TENM2: variants seen among roughly 807,000 people sequenced by gnomAD.
TENM2 encodes the protein teneurin-2.
Under a neutral mutation model 245.2 loss-of-function variants are expected in TENM2, and 52 were observed. The observed-to-expected ratio is 0.21, with a 90% CI of 0.17 to 0.27. The LOEUF (loss-of-function observed/expected upper bound fraction) is 0.27, where lower values mean the gene tolerates loss of function less well. Among genes scored for constraint, TENM2 ranks in the 10% least tolerant of loss-of-function variants. The pLI is 1.00. For missense variants in TENM2, 3,046 were observed against 3,666.8 expected (o/e 0.83, Z 4.37); for synonymous variants, 1,363 against 1,438.9 (o/e 0.95, Z 1.19).
chr5:167,502,480 A>G (rs889621879), intron 2 of TENM2, among the ~76,000 whole-genome samples: 3 of 152,284 alleles, frequency 2.0e-5, no homozygotes, highest in South Asian at 4.1e-4. Flanking sequence ...CTGCTATTTC[A>G]CTCAACTACA....
chr5:167,910,141 A>T (rs1351792608), intron 3 of TENM2, among the ~76,000 whole-genome samples: 3 of 152,150 alleles, frequency 2.0e-5, no homozygotes, highest in South Asian at 2.1e-4. Flanking sequence ...AATTATCTTC[A>T]TTTTGGCAGA....
the TENM2 span, among the ~76,000 whole-genome samples, chr5:167,247,294 G>A: frequency 3.4e-3 from 525 of 152,186 alleles, 4 homozygotes; most frequent in African/African-American, 0.012. Context: ...CTGAGTTCAC[G>A]CTCTTTGCTA....
intron 2 of TENM2, among the ~76,000 whole-genome samples, chr5:167,566,133 G>C (rs1773892091): frequency 6.6e-6 from 1 of 151,856 alleles, no homozygotes; most frequent in Admixed American, 6.6e-5. Context: ...TCTGGAAACA[G>C]TTATTCACTG....
rs141871984 is a variant in TENM2, at chr5:167,701,373, C to T, written c.503-174613C>T. On this transcript the variant is annotated intron_variant, in intron 2 of 28. Coordinates refer to ENST00000518659, the Ensembl canonical transcript of TENM2. ...TAGAACCATGTGATGTTGGCATTATCGTCATGTTGGGTTTTGGGTGTTTGT... is the reference window on the plus strand; with the variant it reads ...TAGAACCATGTGATGTTGGCATTATTGTCATGTTGGGTTTTGGGTGTTTGT... 2.3e-3 allele frequency among the ~76,000 whole-genome samples: 345 copies of T among 150,310 alleles called. 1 individual carries two copies. The highest frequency in any genetic ancestry group is 7.9e-3 in the African/African-American group (326 of 41,046).
chr5:167,067,463 G>A, the TENM2 span, among the ~76,000 whole-genome samples: 1 of 152,078 alleles, frequency 6.6e-6, no homozygotes, highest in African/African-American at 2.4e-5. Context: ...AGATTATTGT[G>A]GAAAGCTCTG....
At chr5:168,191,338 C>T (rs1034107506) in intron 14 of TENM2, among the ~76,000 whole-genome samples, 4 of 152,266 alleles carry the variant, frequency 2.6e-5, no homozygotes, top group South Asian at 4.2e-4. Flanking sequence ...CTATGCACTA[C>T]GTATGATTCT....
At chr5:167,976,849 A>G (rs190511595) in intron 4 of TENM2, among the ~76,000 whole-genome samples, 6 of 152,324 alleles carry the variant, frequency 3.9e-5, no homozygotes, top group East Asian at 1.9e-4. Flanking sequence ...AAATTATTCT[A>G]CTGTAAAGAT....
chr5:167,536,478 T>C (rs1771855938), intron 2 of TENM2, among the ~76,000 whole-genome samples: 1 of 151,742 alleles, frequency 6.6e-6, no homozygotes, highest in African/African-American at 2.4e-5. Context: ...AATAACCCTT[T>C]AAAAGTAGAA....
chr5:167,827,078 C>A (rs1221018673), intron 2 of TENM2, among the ~76,000 whole-genome samples: 13 of 152,238 alleles, frequency 8.5e-5, no homozygotes, highest in Non-Finnish European at 1.8e-4. Context: ...GCCTCCTGTC[C>A]TCCCCTAAGT....
the TENM2 span, among the ~76,000 whole-genome samples, chr5:166,991,692 T>C: frequency 6.6e-6 from 1 of 152,312 alleles, no homozygotes; most frequent in East Asian, 1.9e-4. Context: ...TGACAAAGCC[T>C]AGCAGATGCA....
intron 8 of TENM2, among the ~76,000 whole-genome samples, chr5:168,097,070 A>C (rs1234422897): frequency 6.6e-6 from 1 of 152,232 alleles, no homozygotes; most frequent in Non-Finnish European, 1.5e-5. Context: ...TAAGCATAAA[A>C]GGACATTTGT....
chr5:168,146,223 T>G (rs1756064332), intron 12 of TENM2, among the ~76,000 whole-genome samples: 2 of 152,180 alleles, frequency 1.3e-5, no homozygotes, highest in Admixed American at 6.6e-5. Flanking sequence ...TCCAACTCTT[T>G]TTTATATAAA....
intron 2 of TENM2, among the ~76,000 whole-genome samples, chr5:167,680,170 A>G (rs1167718514): frequency 6.6e-6 from 1 of 152,098 alleles, no homozygotes; most frequent in Non-Finnish European, 1.5e-5. Flanking sequence ...TATTGAGCCC[A>G]TTTAATGCCA....
intron 2 of TENM2, among the ~76,000 whole-genome samples, chr5:167,776,051 A>G (rs1763741417): frequency 6.6e-6 from 1 of 152,102 alleles, no homozygotes; most frequent in Non-Finnish European, 1.5e-5. Context: ...AATATTTGTG[A>G]AGAATATTTA....
intron 2 of TENM2, among the ~76,000 whole-genome samples, chr5:167,646,788 A>G (rs1323668860): frequency 3.9e-5 from 6 of 152,202 alleles, no homozygotes; most frequent in African/African-American, 1.4e-4. Context: ...TAGGCGTATA[A>G]TTGGGAGTGG....
At chr5:167,857,242 G>T (rs980404297) in intron 2 of TENM2, among the ~76,000 whole-genome samples, 1 of 152,122 alleles carries the variant, frequency 6.6e-6, no homozygotes, top group Non-Finnish European at 1.5e-5. Context: ...GCTCTTTTTC[G>T]TAGCCAAATT....
At chr5:166,989,605 T>C in the TENM2 span, among the ~76,000 whole-genome samples, 1 of 151,510 alleles carries the variant, frequency 6.6e-6, no homozygotes, top group Non-Finnish European at 1.5e-5. Flanking sequence ...TTGTCCAGGC[T>C]GGTCTTGAAC....
intron 2 of TENM2, among the ~76,000 whole-genome samples, chr5:167,598,139 C>T (rs1469093910): frequency 1.3e-5 from 2 of 152,156 alleles, no homozygotes; most frequent in East Asian, 3.8e-4. Context: ...TGTTAACTTT[C>T]CATTTTTACT....
chr5:168,007,606 G>T (rs1361183241), intron 5 of TENM2, among the ~76,000 whole-genome samples: 5 of 152,134 alleles, frequency 3.3e-5, no homozygotes, highest in African/African-American at 7.2e-5. Flanking sequence ...CATGAGAGCT[G>T]ATTATCAATT....
Sources: gnomAD v4.1 joint callset for allele counts (sites outside exome capture counted in the v4.1 genomes callset) on GRCh38, gnomAD v4.1.1 for gene constraint, MANE v1.5 for transcripts, NCBI Gene and HGNC (gene_info 2026-07-23, HGNC 2026-07-21) for gene names.